The following GRM8 variants were observed in gnomAD, a reference collection of about 807,000 sequenced individuals.
GRM8 encodes the protein glutamate metabotropic receptor 8.
GRM8 carries 47 observed loss-of-function variants against 87.2 expected under a neutral mutation model. That is an observed-to-expected ratio of 0.54 (90% CI 0.43 to 0.69). The LOEUF (loss-of-function observed/expected upper bound fraction) is 0.69, where lower values mean the gene tolerates loss of function less well. GRM8 is among the 30% of genes least tolerant of loss of function. The pLI, the probability that GRM8 is intolerant of heterozygous loss-of-function variation, is 0.00. For missense variants in GRM8, 1,019 were observed against 1,139.2 expected (o/e 0.89, Z 1.52); for synonymous variants, 396 against 404.5 (o/e 0.98, Z 0.25).
intron 7 of GRM8, among the ~76,000 whole-genome samples, chr7:126,745,535 A>G (rs6969572): frequency 0.41 from 62,055 of 150,934 alleles, 13,526 homozygotes; most frequent in Non-Finnish European, 0.48. Context: ...GTCCAAAACT[A>G]AAATTATTCA....
chr7:126,692,672 G>A (rs1284993600), intron 7 of GRM8, among the ~76,000 whole-genome samples: 1 of 152,094 alleles, frequency 6.6e-6, no homozygotes, highest in Admixed American at 6.5e-5. Flanking sequence ...TTGCTTAACT[G>A]TAGAATGTAG....
chr7:126,587,277 C>T (rs1796234488), intron 8 of GRM8, among the ~76,000 whole-genome samples: 1 of 152,158 alleles, frequency 6.6e-6, no homozygotes, highest in Non-Finnish European at 1.5e-5. Context: ...GGCGATTCCT[C>T]AAGGATCTAG....
intron 2 of GRM8, among the ~76,000 whole-genome samples, chr7:127,193,060 C>G (rs966040027): frequency 1.3e-5 from 2 of 152,132 alleles, no homozygotes; most frequent in East Asian, 3.9e-4. Flanking sequence ...TACCATAAGA[C>G]TTATGTAAGT....
chr7:126,895,421 A>ATCCT (rs1801449160), intron 6 of GRM8, among the ~76,000 whole-genome samples: 1 of 152,078 alleles, frequency 6.6e-6, no homozygotes, highest in East Asian at 1.9e-4. Context: ...TGTCACCTGG[A>ATCCT]ACTCATCAGA....
intron 7 of GRM8, among the ~76,000 whole-genome samples, chr7:126,736,205 A>C (rs973944925): frequency 6.6e-6 from 1 of 152,172 alleles, no homozygotes; most frequent in Non-Finnish European, 1.5e-5. Context: ...CTAAACCAGA[A>C]ATATAACCTA....
intron 2 of GRM8, among the ~76,000 whole-genome samples, chr7:127,231,546 T>C (rs1297490017): frequency 2.0e-5 from 3 of 152,236 alleles, no homozygotes; most frequent in Non-Finnish European, 4.4e-5. Context: ...CTAAAATGAA[T>C]GTGACTTCTA....
chr7:126,703,344 A>G (rs1810145433), intron 7 of GRM8, among the ~76,000 whole-genome samples: 1 of 152,166 alleles, frequency 6.6e-6, no homozygotes, highest in Non-Finnish European at 1.5e-5. Flanking sequence ...AAGCATCAAG[A>G]GTTTGTTTTC....
intron 10 of GRM8, among the ~76,000 whole-genome samples, 176 bp from the exon 11 acceptor site, chr7:126,439,344 C>T (rs936887233): frequency 9.9e-5 from 15 of 151,992 alleles, no homozygotes; most frequent in Non-Finnish European, 1.9e-4. Flanking sequence ...CATTTGAGCT[C>T]GACAGCAGAC....
chr7:126,790,205 A>C (rs923708277), intron 6 of GRM8, among the ~76,000 whole-genome samples: 1 of 152,070 alleles, frequency 6.6e-6, no homozygotes. Context: ...ACAGGGTTTC[A>C]CCATGTTGCC....
chr7:127,238,595 C>G (rs17866103), intron 2 of GRM8, among the ~76,000 whole-genome samples: 3,248 of 152,244 alleles, frequency 0.021, 108 homozygotes, highest in African/African-American at 0.071. Flanking sequence ...ACCGTACACT[C>G]GAGGTTGAGT....
rs994820031 is a variant in GRM8 at position 126,790,841 on chromosome 7, G to C, written c.1157-20776C>G. ...TGCAGACAGTAATGCCTGGTGACTG[G>C]GTCGGTGAGAATCCAGGGCTCTGGG... On this transcript the variant is annotated intron_variant, in intron 6 of 10. Transcript: ENST00000339582. Among the ~76,000 whole-genome samples the C allele has an allele frequency of 4.6e-5, 7 of 152,208 alleles. 1 individual carries two copies. Among genetic ancestry groups the C allele is most frequent in the Admixed American group, 2.0e-4 (3 of 15,280 alleles).
chr7:127,046,231 G>T (rs1464517229), intron 3 of GRM8, among the ~76,000 whole-genome samples: 1 of 152,086 alleles, frequency 6.6e-6, no homozygotes, highest in Non-Finnish European at 1.5e-5. Flanking sequence ...AATTAGCCAG[G>T]CGTGGTGGTG....
Position 126,668,294 on chromosome 7 carries a change from G to A in GRM8, c.1358-58796C>T, listed in dbSNP as rs533675910. ...CCGTAGGACGGACAAGGACCCCATCGCTAGCTGAACTAAGGAAAAGTCCTG... is the reference window on the plus strand; with the variant it reads ...CCGTAGGACGGACAAGGACCCCATCACTAGCTGAACTAAGGAAAAGTCCTG... On this transcript the variant is annotated intron_variant, in intron 7 of 10. Coordinates refer to ENST00000339582, the MANE Select transcript of GRM8 (RefSeq NM_000845.3). Among the ~76,000 whole-genome samples, 3 of 152,206 alleles carry A rather than the reference G, an allele frequency of 2.0e-5. No homozygotes were observed. In the South Asian group the frequency reaches 6.2e-4, roughly 32 times the overall value.
chr7:127,021,294 A>C (rs1040117490), intron 3 of GRM8, among the ~76,000 whole-genome samples: 1 of 140,682 alleles, frequency 7.1e-6, no homozygotes, highest in African/African-American at 2.6e-5. Flanking sequence ...ACACCTCCCC[A>C]GCTGCTTCCT....
chr7:126,707,200 C>A (rs1426801807), intron 7 of GRM8, among the ~76,000 whole-genome samples: 1 of 152,028 alleles, frequency 6.6e-6, no homozygotes, highest in African/African-American at 2.4e-5. Flanking sequence ...TTACAATGCT[C>A]CCCTGGCTCA....
At chr7:126,783,607 A>T (rs1272712627) in intron 6 of GRM8, among the ~76,000 whole-genome samples, 1 of 152,190 alleles carries the variant, frequency 6.6e-6, no homozygotes. Context: ...TTTCCAAAAT[A>T]AAGAAAACAT....
At position 127,223,441 on chromosome 7, in the gene GRM8, A is replaced by ACG. The variant is rs1554615069; in HGVS notation, c.510+19252_510+19253dup. Among the ~76,000 whole-genome samples the ACG allele has an allele frequency of 2.6e-3, 282 of 109,580 alleles. 1 individual carries two copies. The highest frequency in any genetic ancestry group is 0.014 in the African/African-American group (242 of 17,286). The allele number at this position is 109,580 out of a possible 152,430, so 71.9% of individuals were successfully genotyped here. On this transcript the variant is annotated intron_variant, in intron 2 of 10. Coordinates refer to ENST00000339582, the MANE Select transcript of GRM8 (RefSeq NM_000845.3). ...TACTCGAAACACACCACACACACAC[A>ACG]CGCACACACACACACACACACACAC...
chr7:127,098,943 G>T (rs1824951506), intron 3 of GRM8, among the ~76,000 whole-genome samples: 1 of 152,170 alleles, frequency 6.6e-6, no homozygotes, highest in African/African-American at 2.4e-5. Context: ...ACAATGAAAA[G>T]ATATGTTCTC....
intron 8 of GRM8, among the ~76,000 whole-genome samples, chr7:126,572,051 C>T (rs760194189): frequency 6.6e-6 from 1 of 152,044 alleles, no homozygotes; most frequent in Non-Finnish European, 1.5e-5. Flanking sequence ...CCAGGAATGT[C>T]TTAAACCATG....
Sources: gnomAD v4.1 joint callset for allele counts (sites outside exome capture counted in the v4.1 genomes callset) on GRCh38, gnomAD v4.1.1 for gene constraint, MANE v1.5 for transcripts, NCBI Gene and HGNC (gene_info 2026-07-23, HGNC 2026-07-21) for gene names.